RAPGEF4: variants seen among roughly 807,000 people sequenced by gnomAD.
RAPGEF4 encodes Rap guanine nucleotide exchange factor 4.
Under a neutral mutation model 147.9 loss-of-function variants are expected in RAPGEF4, and 66 were observed. The ratio of observed to expected loss-of-function variants is 0.45; its 90% CI spans 0.37 to 0.55. RAPGEF4 has a LOEUF of 0.55. RAPGEF4 is among the 20% of genes least tolerant of loss of function. The pLI, the probability that RAPGEF4 is intolerant of heterozygous loss-of-function variation, is 0.00. For synonymous variants in RAPGEF4, 419 were observed against 442.7 expected (o/e 0.95, Z 0.67); for missense variants, 1,071 against 1,257.3 (o/e 0.85, Z 2.24).
chr2:172,949,122 T>C (rs1687969319), intron 6 of RAPGEF4, among the ~76,000 whole-genome samples: 1 of 152,162 alleles, frequency 6.6e-6, no homozygotes, highest in Non-Finnish European at 1.5e-5. Flanking sequence ...TATCTAACCA[T>C]GAAGAGCAAA....
Position 172,999,594 on chromosome 2 carries a change from C to A in RAPGEF4, c.1580-1672C>A, listed in dbSNP as rs534712463. On this transcript the variant is annotated intron_variant, in intron 16 of 30. Coordinates refer to ENST00000397081, the MANE Select transcript of RAPGEF4 (RefSeq NM_007023.4). ...AAAACCAGCATTAGTCATGGAGTGA[C>A]TTGGTAAATCATCTTCTAGTAGGAA... 2.6e-5 allele frequency among the ~76,000 whole-genome samples: 4 copies of A among 152,286 alleles called. No homozygotes were observed. The South Asian group carries it at 8.3e-4, about 32-fold the overall frequency.
At chr2:172,922,871 C>A (rs141446593) in intron 6 of RAPGEF4, among the ~76,000 whole-genome samples, 5 of 152,276 alleles carry the variant, frequency 3.3e-5, no homozygotes, top group Admixed American at 3.3e-4. Flanking sequence ...TAGTGGCATA[C>A]CTTTGCATGC....
At chr2:172,882,736 G>GA (rs1213087540) in intron 4 of RAPGEF4, among the ~76,000 whole-genome samples, 1 of 152,014 alleles carries the variant, frequency 6.6e-6, no homozygotes, top group Non-Finnish European at 1.5e-5. Context: ...ATGTAAAGTT[G>GA]AAAAAAGCTC....
chr2:172,812,969 G>A (rs1688169583), intron 3 of RAPGEF4, among the ~76,000 whole-genome samples: 1 of 152,148 alleles, frequency 6.6e-6, no homozygotes, highest in Non-Finnish European at 1.5e-5. Context: ...GAGTGAATTT[G>A]TTTGCAGTTG....
Position 172,795,010 on chromosome 2 carries a change from T to C in RAPGEF4, c.66-15T>C. On this transcript the variant is annotated splice_polypyrimidine_tract_variant and intron_variant, in intron 1 of 30. Transcript: ENST00000397081. Reference sequence around the variant, plus strand: ...CTTTACTGACATAGCTTTTGTGCCTTTTCTCCCTATACAGACCACTGGAGC... The same window carrying C: ...CTTTACTGACATAGCTTTTGTGCCTCTTCTCCCTATACAGACCACTGGAGC... The C allele has an allele frequency of 6.3e-6, 10 of 1,590,848 alleles. No homozygotes were observed. Among genetic ancestry groups the C allele is most frequent in the Non-Finnish European group, 8.6e-6 (10 of 1,167,480 alleles).
chr2:172,997,050 A>C (rs1236958946), intron 16 of RAPGEF4, among the ~76,000 whole-genome samples: 1 of 152,208 alleles, frequency 6.6e-6, no homozygotes, highest in Non-Finnish European at 1.5e-5. Context: ...TGGGTAGCTC[A>C]AGCAACAAAA....
intron 1 of RAPGEF4, among the ~76,000 whole-genome samples, 179 bp from the exon 2 acceptor site, chr2:172,794,846 C>T (rs938756692): frequency 6.6e-6 from 1 of 152,178 alleles, no homozygotes; most frequent in Non-Finnish European, 1.5e-5. Flanking sequence ...GTTGGTAAAG[C>T]TCCAGAAATG....
rs148589919 is a variant in RAPGEF4, at chr2:172,998,237, G to A, written c.1579+1683G>A. Among the ~76,000 whole-genome samples, 1,456 of 152,312 alleles carry A rather than the reference G, an allele frequency of 9.6e-3. 24 individuals are homozygous for A. The highest frequency in any genetic ancestry group is 0.032 in the African/African-American group (1,322 of 41,560). On this transcript the variant is annotated intron_variant, in intron 16 of 30. Transcript: ENST00000397081. The stretch of plus-strand genomic sequence containing the variant: ...ATGGAAAATATAGAGTGGCCCTGAA[G>A]GAGGCTGGTAACCAGTAATTAGAGA...
chr2:172,744,494 A>T, intron 1 of RAPGEF4: 1 of 451,010 alleles, frequency 2.2e-6, no homozygotes, highest in South Asian at 1.6e-5. Flanking sequence ...TTAAAAATTT[A>T]GGAGTCAGAC....
At chr2:172,895,487 AT>A (rs1366767784) in intron 4 of RAPGEF4, among the ~76,000 whole-genome samples, 1 of 152,126 alleles carries the variant, frequency 6.6e-6, no homozygotes, top group Non-Finnish European at 1.5e-5. Context: ...GCATTTGTTG[AT>A]TTGTCATTTA....
intron 4 of RAPGEF4, among the ~76,000 whole-genome samples, chr2:172,883,309 G>A (rs1696823904): frequency 6.6e-6 from 1 of 152,120 alleles, no homozygotes; most frequent in Non-Finnish European, 1.5e-5. Context: ...AGGCAGAAGA[G>A]CAACAGAGCA....
chr2:172,854,785 A>G (rs1322569492), intron 4 of RAPGEF4, among the ~76,000 whole-genome samples: 1 of 152,148 alleles, frequency 6.6e-6, no homozygotes, highest in African/African-American at 2.4e-5. Context: ...CAAGGCCAAC[A>G]AAAATAGAGA....
intron 1 of RAPGEF4, among the ~76,000 whole-genome samples, chr2:172,789,464 G>A (rs533396194): frequency 1.3e-5 from 2 of 150,610 alleles, no homozygotes; most frequent in Non-Finnish European, 3.0e-5. Context: ...ATTTTATTGT[G>A]TTAAGAACAC....
At chr2:172,911,495 G>A (rs775613266) in intron 4 of RAPGEF4, among the ~76,000 whole-genome samples, 2 of 151,998 alleles carry the variant, frequency 1.3e-5, no homozygotes, top group African/African-American at 2.4e-5. Flanking sequence ...GTCTCACTCC[G>A]TCACCTAGTC....
chr2:172,883,873 C>T (rs3769281), intron 4 of RAPGEF4, among the ~76,000 whole-genome samples: 4,714 of 152,170 alleles, frequency 0.031, 163 homozygotes, highest in South Asian at 0.15. Flanking sequence ...AGCATTGGGT[C>T]CTTCCTTACC....
intron 10 of RAPGEF4, among the ~76,000 whole-genome samples, chr2:172,974,691 A>C (rs1055730271): frequency 1.3e-5 from 2 of 152,174 alleles, no homozygotes; most frequent in African/African-American, 4.8e-5. Flanking sequence ...TCAAAAAAAT[A>C]AAATTATTAT....
intron 4 of RAPGEF4, among the ~76,000 whole-genome samples, chr2:172,818,148 G>A (rs1688697879): frequency 6.6e-6 from 1 of 151,554 alleles, no homozygotes; most frequent in Admixed American, 6.6e-5. Context: ...GGATGCAAAG[G>A]CGTAAGAATG....
chr2:172,979,483 C>G (rs1428435381), intron 10 of RAPGEF4, among the ~76,000 whole-genome samples: 2 of 152,068 alleles, frequency 1.3e-5, no homozygotes, highest in Non-Finnish European at 2.9e-5. Flanking sequence ...TGTAACAATC[C>G]CATGTATTAT....
chr2:172,905,708 C>G (rs917166141), intron 4 of RAPGEF4, among the ~76,000 whole-genome samples: 5 of 152,332 alleles, frequency 3.3e-5, no homozygotes, highest in Middle Eastern at 3.4e-3. Flanking sequence ...GACCACTGCT[C>G]TCAGCAGGTT....
Sources: gnomAD v4.1 joint callset for allele counts (sites outside exome capture counted in the v4.1 genomes callset) on GRCh38, gnomAD v4.1.1 for gene constraint, MANE v1.5 for transcripts, NCBI Gene and HGNC (gene_info 2026-07-23, HGNC 2026-07-21) for gene names.